The following ACTN1 variants were observed in gnomAD, a reference collection of about 807,000 sequenced individuals.
ACTN1 encodes the protein alpha-actinin-1.
ACTN1 carries 30 observed loss-of-function variants against 119.6 expected under a neutral mutation model. That is an observed-to-expected ratio of 0.25 (90% CI 0.19 to 0.34). The LOEUF is 0.34. ACTN1 is among the 10% of genes least tolerant of loss of function. ACTN1 has a pLI of 1.00. For synonymous variants in ACTN1, 429 were observed against 472.6 expected (o/e 0.91, Z 1.20); for missense variants, 764 against 1,223.4 (o/e 0.62, Z 5.60).
intron 3 of ACTN1, among the ~76,000 whole-genome samples, chr14:68,916,907 A>G (rs1440672020): frequency 1.3e-5 from 2 of 152,080 alleles, no homozygotes; most frequent in Non-Finnish European, 2.9e-5. Context: ...ATGCTGCAGA[A>G]ATTCCATGTG....
In ACTN1 at chr14:68,885,537, C is replaced by T. The variant is rs747350137; in HGVS notation, c.1273G>A (p.Ala425Thr). The change falls in exon 12 of 22, where the codon GCC (alanine) becomes ACC (threonine). Residue 425 changes from alanine to threonine, a missense_variant. Ala to Thr is a moderately conservative substitution (Grantham distance 58). This residue lies in a region of ACTN1 where 544 missense variants were observed against 912.0 expected (regional missense o/e 0.60). Coordinates refer to ENST00000394419, the MANE Select transcript of ACTN1 (RefSeq NM_001130004.2). This position sits in a 1 kb window ranked among gnomAD's most constrained non-coding sequence, Gnocchi z 5.6. Reference protein sequence around the residue: ...AMLRQKDYETATLSEIKALLK... With the variant: ...AMLRQKDYETTTLSEIKALLK... Reference sequence around the variant, plus strand: ...AGGGCCTTGATCTCCGAGAGGGTGGCGGTCTCATAGTCCTTCTGTCGCAGC... The same window carrying T: ...AGGGCCTTGATCTCCGAGAGGGTGGTGGTCTCATAGTCCTTCTGTCGCAGC... The T allele has an allele frequency of 7.4e-6, 12 of 1,613,980 alleles. No homozygotes were observed. Among genetic ancestry groups the T allele is most frequent in the African/African-American group, 2.7e-5 (2 of 75,056 alleles).
chr14:68,876,172 A>G (rs894617550), intron 21 of ACTN1, among the ~76,000 whole-genome samples: 7 of 151,928 alleles, frequency 4.6e-5, no homozygotes, highest in African/African-American at 1.7e-4. Context: ...AATTTTTTGT[A>G]TTTTTAGTAG....
intron 1 of ACTN1, among the ~76,000 whole-genome samples, chr14:68,937,374 G>A (rs2035578268): frequency 6.6e-6 from 1 of 152,060 alleles, no homozygotes. Context: ...AGGTATTATG[G>A]AGGAGGAAAA....
In ACTN1 at chr14:68,880,207, C is replaced by T. The variant is rs78490974; in HGVS notation, c.2134-99G>A. 159,321 of 1,464,990 alleles carry T rather than the reference C, an allele frequency of 0.11. 9,125 individuals carry two copies. Among genetic ancestry groups the T allele is most frequent in the African/African-American group, 0.18 (12,868 of 71,090 alleles). The allele number at this position is 1,464,990 out of a possible 1,614,324, so 90.7% of individuals were successfully genotyped here. A position where few individuals can be genotyped will look rare whatever the true frequency, so the allele number is the denominator to read the frequency against. On this transcript the variant is annotated intron_variant, in intron 17 of 21. Transcript: ENST00000394419. This position sits in a 1 kb window ranked among gnomAD's most constrained non-coding sequence, Gnocchi z 4.6. The stretch of plus-strand genomic sequence containing the variant: ...TCCCCAACCATCAAAATGGCCAAAG[C>T]CATCAAACTTGGCCTTCTGTGTGGC...
intron 1 of ACTN1, among the ~76,000 whole-genome samples, chr14:68,957,433 A>C (rs1256917662): frequency 2.0e-5 from 3 of 152,224 alleles, no homozygotes; most frequent in Non-Finnish European, 4.4e-5. Context: ...TGACTCGGCC[A>C]TCAGGTGTGC....
Position 68,979,144 on chromosome 14 carries a change from G to GCTGGT in ACTN1, c.-89_-88insACCAG, listed in dbSNP as rs2140742107. On this transcript the variant is annotated 5_prime_UTR_variant, in exon 1 of 22. Coordinates refer to ENST00000394419, the MANE Select transcript of ACTN1 (RefSeq NM_001130004.2). ...TGCCCTGGCGTGGGGAGGGAGTAGG[G>GCTGGT]CTGGGCTGGGCTGGGCTGGCGGGGC... 1.3e-6 allele frequency: 1 copy of GCTGGT among 748,306 alleles called. No individual in the cohort carries two copies. The highest frequency in any genetic ancestry group is 2.1e-6 in the Non-Finnish European group (1 of 479,824). 46.4% of individuals were successfully genotyped at this position (748,306 alleles called of 1,614,324 possible). A position where few individuals can be genotyped will look rare whatever the true frequency, so the allele number is the denominator to read the frequency against.
chr14:68,931,962 G>A (rs2035240556), intron 1 of ACTN1, among the ~76,000 whole-genome samples: 3 of 152,142 alleles, frequency 2.0e-5, no homozygotes, highest in Middle Eastern at 6.8e-3. Context: ...GACTCTATAA[G>A]AGCCTGAGGC....
At chr14:68,969,970 G>A in intron 1 of ACTN1, among the ~76,000 whole-genome samples, 1 of 152,096 alleles carries the variant, frequency 6.6e-6, no homozygotes, top group Non-Finnish European at 1.5e-5. Context: ...TTCACCTACA[G>A]ATGATTTGAA....
At chr14:68,921,249 G>C (rs1043917465) in intron 2 of ACTN1, 124 bp from the exon 3 acceptor site, 1 of 1,216,478 alleles carries the variant, frequency 8.2e-7, no homozygotes, top group South Asian at 1.5e-5. Context: ...ATGTGTGCAC[G>C]TGTGTGTGTG....
At chr14:68,893,615 T>C (rs2032662361) in intron 9 of ACTN1, 40 bp downstream of exon 9, 1 of 1,593,950 alleles carries the variant, frequency 6.3e-7, no homozygotes, top group Non-Finnish European at 8.6e-7. Flanking sequence ...GGGGACTGAC[T>C]CTTGCTAGAG....
intron 8 of ACTN1, among the ~76,000 whole-genome samples, chr14:68,902,016 G>A (rs2033372393): frequency 6.6e-6 from 1 of 152,246 alleles, no homozygotes; most frequent in Admixed American, 6.5e-5. Flanking sequence ...CAGGACAAAG[G>A]TGGGGCTTTA....
chr14:68,946,503 G>A (rs982947119), intron 1 of ACTN1, among the ~76,000 whole-genome samples: 2 of 152,190 alleles, frequency 1.3e-5, no homozygotes, highest in Non-Finnish European at 2.9e-5. Context: ...GAAGAGGGGA[G>A]AAGTGGCAGA....
In ACTN1 at chr14:68,972,800, G is replaced by A. The variant is rs115978925; in HGVS notation, c.105+6152C>T. On this transcript the variant is annotated intron_variant, in intron 1 of 21. Coordinates refer to ENST00000394419, the MANE Select transcript of ACTN1 (RefSeq NM_001130004.2). ...CCTGGAGGAGTTCCGCAGCTGCTCC[G>A]AGCCAGCTCTCTCATCTGCAAAATG... Among the ~76,000 whole-genome samples the A allele has an allele frequency of 2.4e-3, 369 of 152,318 alleles. 2 individuals are homozygous for A. Among genetic ancestry groups the A allele is most frequent in the African/African-American group, 8.4e-3 (349 of 41,554 alleles).
intron 6 of ACTN1, among the ~76,000 whole-genome samples, chr14:68,908,120 C>T (rs1171476269): frequency 7.4e-6 from 1 of 135,540 alleles, no homozygotes; most frequent in African/African-American, 2.8e-5. Flanking sequence ...TCTCCTTCAG[C>T]AGATGGGCCC....
At chr14:68,965,997 C>G (rs554258949) in intron 1 of ACTN1, among the ~76,000 whole-genome samples, 1 of 152,072 alleles carries the variant, frequency 6.6e-6, no homozygotes, top group African/African-American at 2.4e-5. Flanking sequence ...GGCAGGAGAT[C>G]GTTTAAGCCC....
In ACTN1 at chr14:68,878,690, A is replaced by G. The variant is rs776303709; in HGVS notation, c.2362-167T>C. 9.1e-6 allele frequency: 14 copies of G among 1,537,880 alleles called. No homozygotes were observed. Among genetic ancestry groups the G allele is most frequent in the Middle Eastern group, 1.7e-4 (1 of 6,006 alleles). On this transcript the variant is annotated intron_variant, in intron 19 of 21. Coordinates refer to ENST00000394419, the MANE Select transcript of ACTN1 (RefSeq NM_001130004.2). This position sits in a 1 kb window ranked among gnomAD's most constrained non-coding sequence, Gnocchi z 4.4. ...AACATAGGAGAAGATGCGAACACAC[A>G]TCGGTGGAAATGTCCAAAGACAGGA...
At position 68,902,495 on chromosome 14, in the gene ACTN1, G is replaced by A. The variant is rs774184505; in HGVS notation, c.744C>T (p.Ala248=). The change falls in exon 8 of 22, where the codon GCC becomes GCT. Residue 248 remains alanine (A), a synonymous_variant. Transcript: ENST00000394419. ...CGGGTACCTTCTGGGCTCCAGAGAAGGCGTGGTAGAAGCTAGACACGTAAG... is the reference window on the plus strand; with the variant it reads ...CGGGTACCTTCTGGGCTCCAGAGAAAGCGTGGTAGAAGCTAGACACGTAAG... ...IMTYVSSFYH[A]FSGAQKAETA... is the part of the protein sequence containing the mutation. 9.9e-6 allele frequency: 16 copies of A among 1,613,814 alleles called. No individual in the cohort carries two copies. In the Admixed American group the frequency reaches 2.3e-4, roughly 24 times the overall value.
At chr14:68,901,239 TTTTTGTTTTG>T (rs2033304120) in intron 8 of ACTN1, among the ~76,000 whole-genome samples, 3 of 140,246 alleles carry the variant, frequency 2.1e-5, no homozygotes, top group African/African-American at 5.7e-5. Flanking sequence ...TTTTGTTTTG[TTTTTGTTTTG>T]TTTTTTTTTT....
At chr14:68,975,958 C>T (rs1477080772) in intron 1 of ACTN1, among the ~76,000 whole-genome samples, 1 of 152,154 alleles carries the variant, frequency 6.6e-6, no homozygotes, top group East Asian at 1.9e-4. Context: ...CCTGATTCCC[C>T]AGAAGAGTCC....
Sources: gnomAD v4.1 joint callset for allele counts (sites outside exome capture counted in the v4.1 genomes callset) on GRCh38, gnomAD v4.1.1 for gene constraint, gnomAD v4.1.1 regional missense constraint, Gnocchi (gnomAD v3.1) non-coding constraint, MANE v1.5 for transcripts, NCBI Gene and HGNC (gene_info 2026-07-23, HGNC 2026-07-21) for gene names.